Variants in DLC1 observed in about 807,000 individuals in gnomAD.
DLC1 encodes rho GTPase-activating protein 7.
Under a neutral mutation model 140.3 loss-of-function variants are expected in DLC1, and 54 were observed. The ratio of observed to expected loss-of-function variants is 0.38; its 90% CI spans 0.31 to 0.48. The LOEUF is 0.48. Among genes scored for constraint, DLC1 ranks in the 20% least tolerant of loss-of-function variants. The pLI is 0.96. For synonymous variants in DLC1, 986 were observed against 728.1 expected, an observed-to-expected ratio of 1.35 and a Z score of -5.70; for missense variants, 2,536 against 1,907.0, an observed-to-expected ratio of 1.33 and a Z score of -6.14.
intron 2 of DLC1, among the ~76,000 whole-genome samples, chr8:13,461,109 C>T (rs1416588288): frequency 6.6e-6 from 1 of 152,194 alleles, no homozygotes; most frequent in Non-Finnish European, 1.5e-5. Context: ...ACTCTAGAGG[C>T]TGAGGCAAAA....
chr8:13,429,017 C>G (rs945483127), intron 2 of DLC1, among the ~76,000 whole-genome samples: 5 of 152,172 alleles, frequency 3.3e-5, no homozygotes, highest in Non-Finnish European at 7.3e-5. Context: ...TATTTTATGA[C>G]TCTAGAGACA....
intron 2 of DLC1, among the ~76,000 whole-genome samples, chr8:13,467,551 C>T (rs1395480116): frequency 6.6e-6 from 1 of 151,768 alleles, no homozygotes; most frequent in African/African-American, 2.4e-5. Context: ...TGCTTGAGTC[C>T]ATCATAGAGA....
intron 1 of DLC1, among the ~76,000 whole-genome samples, chr8:13,559,959 A>G (rs1428120735): frequency 6.6e-6 from 1 of 152,234 alleles, no homozygotes; most frequent in Non-Finnish European, 1.5e-5. Flanking sequence ...CTGAAATTGA[A>G]CTACAATAAA....
intron 1 of DLC1, among the ~76,000 whole-genome samples, chr8:13,524,785 G>T (rs1585241558): frequency 6.6e-6 from 1 of 150,636 alleles, no homozygotes; most frequent in East Asian, 1.9e-4. Flanking sequence ...ATTTCTTCCA[G>T]ACTTCAGTTG....
chr8:13,485,027 C>G (rs1385920733), intron 2 of DLC1, among the ~76,000 whole-genome samples: 2 of 152,074 alleles, frequency 1.3e-5, no homozygotes, highest in Non-Finnish European at 2.9e-5. Flanking sequence ...TACAGCTCTC[C>G]AGGATTTGAA....
intron 17 of DLC1, 79 bp downstream of exon 17, chr8:13,086,211 G>T: frequency 6.6e-7 from 1 of 1,523,128 alleles, no homozygotes; most frequent in Non-Finnish European, 8.9e-7. Context: ...GTTTGTTTAA[G>T]GCATTCTTTG....
intron 1 of DLC1, chr8:13,567,741 C>T (rs1162215969): frequency 6.4e-7 from 1 of 1,552,096 alleles, no homozygotes; most frequent in Admixed American, 2.0e-5. Context: ...CACATCAAGA[C>T]TTTCCCAGGC....
rs6983698 is a variant in DLC1 at position 13,342,366 on chromosome 8, T to C, written c.1315-37064A>G. 145 of 152,314 alleles carry C rather than the reference T, an allele frequency of 9.5e-4. 1 individual carries two copies. Among genetic ancestry groups the C allele is most frequent in the African/African-American group, 3.4e-3 (140 of 41,574 alleles). The allele number at this position is 152,314 out of a possible 1,614,324, so 9.4% of individuals were successfully genotyped here. On this transcript the variant is annotated intron_variant, in intron 4 of 17. Transcript: ENST00000276297. ...GCAAACCATTTGGACAAGCAAGAGA[T>C]ATATGATGGTTAATTTTATGTGTCA...
intron 5 of DLC1, among the ~76,000 whole-genome samples, chr8:13,227,276 C>T (rs1428752358): frequency 2.6e-5 from 4 of 152,216 alleles, no homozygotes. Flanking sequence ...ATCGCCATCT[C>T]ATTATTGCTA....
Position 13,133,754 on chromosome 8 carries a change from C to A in DLC1, c.1349-18097G>T, listed in dbSNP as rs116543771. ...TTCTTTTTCTTGGTAGCTCTGCGTA[C>A]TTTTTACCTGTCTTTTATCCTGGCG... On this transcript the variant is annotated intron_variant, in intron 5 of 17. Coordinates refer to ENST00000276297, the MANE Select transcript of DLC1 (RefSeq NM_182643.3). 3.0e-3 allele frequency among the ~76,000 whole-genome samples: 463 copies of A among 152,158 alleles called. 3 individuals carry two copies. Among genetic ancestry groups the A allele is most frequent in the African/African-American group, 0.01 (417 of 41,496 alleles).
chr8:13,346,062 T>C (rs1378909537), intron 4 of DLC1, among the ~76,000 whole-genome samples: 1 of 152,246 alleles, frequency 6.6e-6, no homozygotes, highest in Non-Finnish European at 1.5e-5. Context: ...TTTCATAAGC[T>C]AGATACTTGT....
chr8:13,557,992 A>G lies in DLC1; in HGVS notation c.-126+46545T>C, dbSNP rs1405068918. Reference sequence around the variant, plus strand: ...AAATGTTACATATTGTTTTTCCAGAAAGTTCATTGGCACTAGTAAAATTCT... The same window carrying G: ...AAATGTTACATATTGTTTTTCCAGAGAGTTCATTGGCACTAGTAAAATTCT... On this transcript the variant is annotated intron_variant, in intron 1 of 1. Transcript: ENST00000631382. 3.9e-5 allele frequency: 6 copies of G among 152,176 alleles called. No homozygotes were observed. The East Asian group carries it at 9.6e-4, about 24-fold the overall frequency. 9.4% of individuals were successfully genotyped at this position (152,176 alleles called of 1,614,324 possible).
chr8:13,509,152 G>A (rs1443958144), intron 1 of DLC1, among the ~76,000 whole-genome samples: 2 of 152,198 alleles, frequency 1.3e-5, no homozygotes, highest in Non-Finnish European at 2.9e-5. Flanking sequence ...ATCATGGTGA[G>A]ATGCGGTTTT....
At chr8:13,390,122 A>G (rs76082384) in intron 4 of DLC1, among the ~76,000 whole-genome samples, 3,521 of 152,238 alleles carry the variant, frequency 0.023, 74 homozygotes, top group South Asian at 0.085. Context: ...TATTCCAACC[A>G]TAAAATTGAT....
chr8:13,514,181 C>A (rs753236888), intron 1 of DLC1, among the ~76,000 whole-genome samples: 2 of 152,040 alleles, frequency 1.3e-5, no homozygotes, highest in African/African-American at 4.8e-5. Flanking sequence ...TTATTAAGCA[C>A]AAGTCACTCG....
At chr8:13,199,879 G>C (rs370075674) in intron 5 of DLC1, among the ~76,000 whole-genome samples, 1 of 152,098 alleles carries the variant, frequency 6.6e-6, no homozygotes, top group African/African-American at 2.4e-5. Context: ...AATATTACAA[G>C]TATCGCTATT....
At chr8:13,156,970 A>G (rs968599272) in intron 5 of DLC1, among the ~76,000 whole-genome samples, 1 of 152,320 alleles carries the variant, frequency 6.6e-6, no homozygotes, top group East Asian at 1.9e-4. Flanking sequence ...TTCCAGGATT[A>G]ACTGCAACGT....
intron 1 of DLC1, among the ~76,000 whole-genome samples, chr8:13,570,121 A>C (rs528532401): frequency 6.6e-6 from 1 of 152,342 alleles, no homozygotes; most frequent in South Asian, 2.1e-4. Flanking sequence ...TGATATGGAA[A>C]TATTTCAAAC....
At chr8:13,266,722 G>A (rs972575796) in intron 5 of DLC1, among the ~76,000 whole-genome samples, 4 of 151,926 alleles carry the variant, frequency 2.6e-5, no homozygotes, top group Admixed American at 2.0e-4. Flanking sequence ...TCCAGCCTGG[G>A]CAATAGAGAA....
Sources: gnomAD v4.1 joint callset for allele counts (sites outside exome capture counted in the v4.1 genomes callset) on GRCh38, gnomAD v4.1.1 for gene constraint, MANE v1.5 for transcripts, NCBI Gene and HGNC (gene_info 2026-07-23, HGNC 2026-07-21) for gene names.